The following OTUD7A variants were observed in gnomAD, a reference collection of about 807,000 sequenced individuals.
The protein encoded by OTUD7A is OTU domain-containing protein 7A.
Under a neutral mutation model 65.7 loss-of-function variants are expected in OTUD7A, and 12 were observed. The observed-to-expected ratio is 0.18, with a 90% CI of 0.12 to 0.30. The LOEUF (loss-of-function observed/expected upper bound fraction) is 0.30. Among genes scored for constraint, OTUD7A ranks in the 10% least tolerant of loss-of-function variants. The probability of loss-of-function intolerance (pLI) is 1.00; values close to 1 mark genes in which losing one functional copy is unlikely to be tolerated. For synonymous variants in OTUD7A, 641 were observed against 586.3 expected (o/e 1.09, Z -1.35); for missense variants, 1,148 against 1,304.8 (o/e 0.88, Z 1.85).
At chr15:31,766,970 C>T (rs1267924014) in intron 1 of OTUD7A, 3 of 1,611,768 alleles carry the variant, frequency 1.9e-6, no homozygotes, top group African/African-American at 1.3e-5. Context: ...CTACTTAACC[C>T]TATTAAATTA....
intron 5 of OTUD7A, among the ~76,000 whole-genome samples, chr15:31,534,044 TAAC>T (rs1435783457): frequency 2.6e-5 from 4 of 152,124 alleles, no homozygotes; most frequent in Non-Finnish European, 5.9e-5. Context: ...GAGGTATACC[TAAC>T]AACAACCAAT....
Position 31,775,089 on chromosome 15 carries a change from TACACACACACACAC to T in OTUD7A, c.-100+95404_-100+95417del, listed in dbSNP as rs3046535. On this transcript the variant is annotated intron_variant, in intron 1 of 12. Transcript: ENST00000307050. ...GTGTACGCTCCCATGTCCATGCATT[TACACACACACACAC>T]ACACACACACACACACCCCTCCCCT... Among the ~76,000 whole-genome samples the T allele has an allele frequency of 3.4e-4, 50 of 148,120 alleles. No individual in the cohort carries two copies. The South Asian group carries it at 0.01, about 30-fold the overall frequency.
intron 8 of OTUD7A, among the ~76,000 whole-genome samples, chr15:31,507,059 GGTCT>G (rs1185216949): frequency 3.9e-5 from 6 of 152,108 alleles, no homozygotes; most frequent in African/African-American, 1.4e-4. Context: ...TGATGGCTAA[GGTCT>G]GTCTTTAATT....
At chr15:31,555,324 ATTT>A (rs558379315) in intron 5 of OTUD7A, among the ~76,000 whole-genome samples, 1 of 150,796 alleles carries the variant, frequency 6.6e-6, no homozygotes, top group Non-Finnish European at 1.5e-5. Flanking sequence ...AAACAAATGG[ATTT>A]TTTTTTTACT....
intron 1 of OTUD7A, among the ~76,000 whole-genome samples, chr15:31,740,426 G>T (rs1894310011): frequency 6.7e-6 from 1 of 148,828 alleles, no homozygotes; most frequent in Admixed American, 6.7e-5. Context: ...TCAGTGAGCA[G>T]ATGGTGGGGG....
At chr15:31,739,416 T>A (rs535866754) in intron 1 of OTUD7A, among the ~76,000 whole-genome samples, 2 of 152,342 alleles carry the variant, frequency 1.3e-5, no homozygotes, top group Admixed American at 1.3e-4. Flanking sequence ...ATCTTAAAAG[T>A]AGTCACAAGT....
chr15:31,664,122 G>A (rs917281921), intron 1 of OTUD7A, among the ~76,000 whole-genome samples: 1 of 152,208 alleles, frequency 6.6e-6, no homozygotes, highest in Non-Finnish European at 1.5e-5. Context: ...GAACTGTGCT[G>A]CTACAAACAT....
At chr15:31,512,942 A>G (rs971269199) in intron 8 of OTUD7A, among the ~76,000 whole-genome samples, 39 of 152,224 alleles carry the variant, frequency 2.6e-4, no homozygotes, top group African/African-American at 8.9e-4. Flanking sequence ...GATGGGGAGG[A>G]AAGTCTTTAA....
chr15:31,808,102 C>CAA (rs2140956975), intron 1 of OTUD7A, among the ~76,000 whole-genome samples: 1 of 98,230 alleles, frequency 1.0e-5, no homozygotes, highest in South Asian at 3.0e-4. Context: ...ATGCCAAACA[C>CAA]ACACACACAC....
chr15:31,724,647 C>G (rs1265299757), intron 1 of OTUD7A, among the ~76,000 whole-genome samples: 2 of 152,180 alleles, frequency 1.3e-5, no homozygotes, highest in Non-Finnish European at 2.9e-5. Flanking sequence ...CTGAGCCATG[C>G]AGTTGCTCTC....
intron 8 of OTUD7A, among the ~76,000 whole-genome samples, chr15:31,507,257 G>A (rs1254834703): frequency 1.3e-5 from 2 of 152,162 alleles, no homozygotes; most frequent in Non-Finnish European, 2.9e-5. Context: ...TAGGTTTAGA[G>A]TTAGTTAAGG....
At chr15:31,646,943 T>C (rs1307920149) in intron 3 of OTUD7A, among the ~76,000 whole-genome samples, 1 of 152,184 alleles carries the variant, frequency 6.6e-6, no homozygotes, top group Non-Finnish European at 1.5e-5. Context: ...TTTAAGAGTA[T>C]TTAAATACAC....
At chr15:31,517,017 A>G (rs544419801) in intron 8 of OTUD7A, among the ~76,000 whole-genome samples, 30 of 152,388 alleles carry the variant, frequency 2.0e-4, no homozygotes, top group African/African-American at 6.3e-4. Flanking sequence ...TCCCAGCCAC[A>G]GAGCGATGGT....
chr15:31,494,053 G>A (rs1275946064), intron 10 of OTUD7A, among the ~76,000 whole-genome samples: 1 of 152,240 alleles, frequency 6.6e-6, no homozygotes. Flanking sequence ...CCCCTAGGCT[G>A]GGGCATCAGG....
intron 3 of OTUD7A, among the ~76,000 whole-genome samples, chr15:31,586,214 C>T (rs7177783): frequency 0.33 from 49,912 of 152,180 alleles, 10,725 homozygotes; most frequent in African/African-American, 0.61. Flanking sequence ...AAAGACTCTG[C>T]AGACAGCGCA....
At chr15:31,780,837 C>T (rs1465171049) in intron 1 of OTUD7A, among the ~76,000 whole-genome samples, 1 of 152,188 alleles carries the variant, frequency 6.6e-6, no homozygotes. Context: ...CTAGCCACTG[C>T]CATTCAATGT....
At chr15:31,855,943 A>G (rs7167632) in intron 1 of OTUD7A, among the ~76,000 whole-genome samples, 91,705 of 152,036 alleles carry the variant, frequency 0.6, 27,860 homozygotes, top group East Asian at 0.69. Flanking sequence ...AGGACTATAA[A>G]TTGAGTGGCC....
chr15:31,702,700 A>G (rs1893240699), intron 1 of OTUD7A, among the ~76,000 whole-genome samples: 1 of 152,088 alleles, frequency 6.6e-6, no homozygotes, highest in Non-Finnish European at 1.5e-5. Context: ...AAATTGACAG[A>G]CAATTCCTGT....
intron 1 of OTUD7A, among the ~76,000 whole-genome samples, chr15:31,862,330 C>T (rs1004501691): frequency 5.3e-5 from 8 of 152,204 alleles, no homozygotes; most frequent in African/African-American, 1.9e-4. Flanking sequence ...TAACCGGCTT[C>T]CTGGGGAGTT....
Sources: allele counts gnomAD v4.1 joint callset (sites outside exome capture counted in the v4.1 genomes callset), GRCh38; gene constraint gnomAD v4.1.1; transcripts MANE v1.5; gene names NCBI Gene and HGNC (gene_info 2026-07-23, HGNC 2026-07-21).